Variants in GRM7 observed in about 807,000 individuals in gnomAD.
GRM7 encodes the protein metabotropic glutamate receptor 7.
GRM7 carries 35 observed loss-of-function variants against 84.5 expected under a neutral mutation model. The observed-to-expected ratio is 0.41, with a 90% confidence interval of 0.32 to 0.55. The LOEUF is 0.55. Among genes scored for constraint, GRM7 ranks in the 20% least tolerant of loss-of-function variants. The pLI, the probability that GRM7 is intolerant of heterozygous loss-of-function variation, is 0.19. For missense variants in GRM7, 1,003 were observed against 1,194.6 expected (o/e 0.84, Z 2.36); for synonymous variants, 487 against 455.1 (o/e 1.07, Z -0.89).
At chr3:7,018,626 AAGCTTGG>A (rs900041219) in intron 1 of GRM7, among the ~76,000 whole-genome samples, 4 of 152,170 alleles carry the variant, frequency 2.6e-5, no homozygotes, top group African/African-American at 9.7e-5. Flanking sequence ...TGCAGCCCCA[AAGCTTGG>A]AGCTGTTAAC....
chr3:7,153,651 ATTAACT>A (rs2125072235), intron 2 of GRM7, among the ~76,000 whole-genome samples: 1 of 152,276 alleles, frequency 6.6e-6, no homozygotes, highest in Non-Finnish European at 1.5e-5. Context: ...ATCTGCTATA[ATTAACT>A]TTATAGGAGG....
At chr3:7,375,808 GC>G (rs1694326824) in intron 4 of GRM7, among the ~76,000 whole-genome samples, 1 of 152,046 alleles carries the variant, frequency 6.6e-6, no homozygotes, top group Non-Finnish European at 1.5e-5. Context: ...AAATGTCCTT[GC>G]CTATGACTTC....
At chr3:7,022,318 C>T (rs980467766) in intron 1 of GRM7, among the ~76,000 whole-genome samples, 2 of 127,580 alleles carry the variant, frequency 1.6e-5, no homozygotes, top group African/African-American at 6.5e-5. Context: ...GAGTGAGACT[C>T]TGGCTCAGAA....
intron 1 of GRM7, among the ~76,000 whole-genome samples, chr3:6,889,208 T>C (rs1317396880): frequency 6.6e-6 from 1 of 152,112 alleles, no homozygotes; most frequent in East Asian, 1.9e-4. Context: ...CTTTTCCTAA[T>C]TGAATGCCCT....
chr3:7,039,794 C>T (rs891086682), intron 1 of GRM7, among the ~76,000 whole-genome samples: 10 of 151,902 alleles, frequency 6.6e-5, no homozygotes, highest in South Asian at 2.1e-4. Flanking sequence ...TATTGCCGAT[C>T]GGTTTTTTTG....
chr3:7,222,803 A>G (rs1351261111), intron 2 of GRM7, among the ~76,000 whole-genome samples: 1 of 152,230 alleles, frequency 6.6e-6, no homozygotes, highest in Non-Finnish European at 1.5e-5. Flanking sequence ...GATTTGCATT[A>G]CATTTCAAGT....
At chr3:7,596,501 G>T (rs1696052285) in intron 8 of GRM7, among the ~76,000 whole-genome samples, 1 of 152,100 alleles carries the variant, frequency 6.6e-6, no homozygotes, top group South Asian at 2.1e-4. Context: ...ATTTGAACTA[G>T]GGAAGAAGAG....
chr3:7,415,875 A>G (rs2324124), intron 5 of GRM7, among the ~76,000 whole-genome samples: 4 of 152,136 alleles, frequency 2.6e-5, no homozygotes, highest in African/African-American at 9.7e-5. Flanking sequence ...GAACGAATTC[A>G]TAATTACAAA....
rs1559481715 is a variant in GRM7 at position 7,677,288 on chromosome 3, AAAAAAAC to A, written c.2452-2760_2452-2754del. Among the ~76,000 whole-genome samples, 109 of 145,524 alleles carry A rather than the reference AAAAAAAC, an allele frequency of 7.5e-4. No individual in the cohort carries two copies. In the South Asian group the frequency reaches 0.021, roughly 28 times the overall value. ...AAAAAAAAAAAAAAAAAAAAAAAAA[AAAAAAAC>A]TTACATATTACTTATTAATACTATG... On this transcript the variant is annotated intron_variant, in intron 8 of 9. Transcript: ENST00000357716.
At chr3:7,105,172 A>G (rs1296257000) in intron 1 of GRM7, among the ~76,000 whole-genome samples, 2 of 151,686 alleles carry the variant, frequency 1.3e-5, no homozygotes, top group East Asian at 1.9e-4. Flanking sequence ...TCTTTGTCAT[A>G]ATGTGGTAAT....
chr3:7,729,738 ACT>A (rs1702245379), intron 9 of GRM7, among the ~76,000 whole-genome samples: 1 of 151,826 alleles, frequency 6.6e-6, no homozygotes, highest in South Asian at 2.1e-4. Context: ...ACGGAGTCTC[ACT>A]CTGTTGCCAG....
At chr3:7,079,999 C>T (rs551333308) in intron 1 of GRM7, among the ~76,000 whole-genome samples, 3 of 152,216 alleles carry the variant, frequency 2.0e-5, no homozygotes, top group Admixed American at 6.6e-5. Flanking sequence ...AATGGTTTTC[C>T]TTAATACAGT....
intron 1 of GRM7, among the ~76,000 whole-genome samples, chr3:6,898,037 A>G (rs1211134776): frequency 6.6e-6 from 1 of 152,170 alleles, no homozygotes; most frequent in African/African-American, 2.4e-5. Flanking sequence ...CTCATCTCCC[A>G]TGGGTGTTCT....
chr3:7,563,216 T>G lies in GRM7; in HGVS notation c.1516-15206T>G, dbSNP rs532659468. On this transcript the variant is annotated intron_variant, in intron 7 of 9. Transcript: ENST00000357716. ...GTGATTTAAGGATTTCTATTGTTCTTTTTTGTACAGTTTGTTATATTTAAA... is the reference window on the plus strand; with the variant it reads ...GTGATTTAAGGATTTCTATTGTTCTGTTTTGTACAGTTTGTTATATTTAAA... 5.3e-5 allele frequency among the ~76,000 whole-genome samples: 8 copies of G among 152,218 alleles called. No individual in the cohort carries two copies. In the South Asian group the frequency reaches 1.2e-3, roughly 24 times the overall value.
rs146804404 is a variant in GRM7 at position 7,453,758 on chromosome 3, C to T, written c.1375+951C>T. The stretch of plus-strand genomic sequence containing the variant: ...TTGGAATAGGCATGATCGACAACCA[C>T]GAAGAAATGTGACTGTACACAAAGG... On this transcript the variant is annotated intron_variant, in intron 6 of 9. Coordinates refer to ENST00000357716, the MANE Select transcript of GRM7 (RefSeq NM_000844.4). Among the ~76,000 whole-genome samples the T allele has an allele frequency of 4.7e-4, 71 of 152,146 alleles. No individual in the cohort carries two copies. The East Asian group carries it at 0.01, about 22-fold the overall frequency.
intron 1 of GRM7, among the ~76,000 whole-genome samples, chr3:7,126,926 A>ACAATATCTATTTTAAAT (rs1169408476): frequency 6.6e-6 from 1 of 152,230 alleles, no homozygotes; most frequent in Non-Finnish European, 1.5e-5. Context: ...TATTGAGAAC[A>ACAATATCTATTTTAAAT]AGGTGCACAC....
At chr3:7,301,404 T>G (rs537922884) in intron 3 of GRM7, among the ~76,000 whole-genome samples, 1 of 152,326 alleles carries the variant, frequency 6.6e-6, no homozygotes, top group Admixed American at 6.5e-5. Context: ...AAATATCTGC[T>G]AATACCCTTC....
chr3:7,551,576 G>C (rs1693479378), intron 7 of GRM7, among the ~76,000 whole-genome samples: 1 of 150,466 alleles, frequency 6.6e-6, no homozygotes, highest in Admixed American at 6.6e-5. Flanking sequence ...TCATATATTT[G>C]TTGTAATAAA....
chr3:7,509,491 T>C (rs1050399476), intron 7 of GRM7, among the ~76,000 whole-genome samples: 1 of 152,154 alleles, frequency 6.6e-6, no homozygotes. Flanking sequence ...ACTAATAAGA[T>C]GTATTGTATG....
Sources: allele counts gnomAD v4.1 joint callset (sites outside exome capture counted in the v4.1 genomes callset), GRCh38; gene constraint gnomAD v4.1.1; transcripts MANE v1.5; gene names NCBI Gene and HGNC (gene_info 2026-07-23, HGNC 2026-07-21).